SBF2: variants seen among roughly 807,000 people sequenced by gnomAD.
SBF2 encodes myotubularin-related protein 13.
A neutral mutation model predicts 225.2 loss-of-function variants in SBF2; 112 were observed. The ratio of observed to expected loss-of-function variants is 0.50; its 90% CI spans 0.43 to 0.58. The LOEUF (loss-of-function observed/expected upper bound fraction) is 0.58, where lower values mean the gene tolerates loss of function less well. Ranked by LOEUF, SBF2 falls within the 20% of genes least tolerant of loss-of-function variation. SBF2 has a pLI of 0.00. For missense variants in SBF2, 1,996 were observed against 2,206.2 expected, an observed-to-expected ratio of 0.90 and a Z score of 1.91; for synonymous variants, 763 against 773.3, an observed-to-expected ratio of 0.99 and a Z score of 0.22.
chr11:10,252,243 A>G (rs1344391780), intron 1 of SBF2, among the ~76,000 whole-genome samples: 1 of 152,244 alleles, frequency 6.6e-6, no homozygotes, highest in Non-Finnish European at 1.5e-5. Flanking sequence ...AGTGACATCA[A>G]TAACTAAAGT....
In SBF2 at chr11:9,895,933, T is replaced by C. The variant is rs768767265; in HGVS notation, c.1929+10A>G. 1 of 1,597,572 alleles carries C rather than the reference T, an allele frequency of 6.3e-7. No individual in the cohort carries two copies. The highest frequency in any genetic ancestry group is 8.6e-7 in the Non-Finnish European group (1 of 1,165,324). Reference sequence around the variant, plus strand: ...CATAACAAGCTTATATATGGACCAATGAAACTTACCCTATAGAAAGCACTG... The same window carrying C: ...CATAACAAGCTTATATATGGACCAACGAAACTTACCCTATAGAAAGCACTG... On this transcript the variant is annotated intron_variant, in intron 17 of 39. Transcript: ENST00000256190.
chr11:10,246,419 G>A (rs1959797915), intron 1 of SBF2, among the ~76,000 whole-genome samples: 1 of 152,148 alleles, frequency 6.6e-6, no homozygotes, highest in African/African-American at 2.4e-5. Flanking sequence ...GAGTAGCTGG[G>A]GTTACAAGCG....
chr11:10,099,042 A>G (rs184204077), intron 2 of SBF2, among the ~76,000 whole-genome samples: 2 of 152,298 alleles, frequency 1.3e-5, no homozygotes, highest in African/African-American at 4.8e-5. Context: ...GAAAGAAGCA[A>G]AAGGCTTCTT....
At chr11:10,012,111 C>T (rs554913406) in intron 6 of SBF2, among the ~76,000 whole-genome samples, 2 of 152,252 alleles carry the variant, frequency 1.3e-5, no homozygotes, top group East Asian at 3.9e-4. Context: ...TCTGACATCT[C>T]AAATGTGCTG....
intron 32 of SBF2, among the ~76,000 whole-genome samples, chr11:9,805,054 G>A (rs1471734261): frequency 6.6e-6 from 1 of 152,090 alleles, no homozygotes; most frequent in East Asian, 1.9e-4. Flanking sequence ...AGACTAGCCT[G>A]GACAACATGG....
intron 2 of SBF2, among the ~76,000 whole-genome samples, chr11:10,047,296 A>G (rs1949900702): frequency 6.6e-6 from 1 of 152,174 alleles, no homozygotes; most frequent in South Asian, 2.1e-4. Flanking sequence ...AAGAGAGGCA[A>G]AAGATCCAGG....
chr11:10,108,637 G>T (rs1229689262), intron 2 of SBF2, among the ~76,000 whole-genome samples: 4 of 142,344 alleles, frequency 2.8e-5, no homozygotes, highest in African/African-American at 5.2e-5. Context: ...CCATTCTCCT[G>T]CCTCAGCCTC....
intron 17 of SBF2, among the ~76,000 whole-genome samples, chr11:9,890,792 C>T (rs1473717704): frequency 6.6e-6 from 1 of 152,156 alleles, no homozygotes; most frequent in African/African-American, 2.4e-5. Context: ...TTAAGAACCA[C>T]AACAGGGTGA....
At chr11:10,176,354 A>G (rs894988708) in intron 2 of SBF2, among the ~76,000 whole-genome samples, 21 of 151,968 alleles carry the variant, frequency 1.4e-4, no homozygotes, top group African/African-American at 5.1e-4. Context: ...GCAGAACTGA[A>G]GGAAATAGAG....
chr11:10,022,408 ATTAG>A (rs1948894533), intron 6 of SBF2, among the ~76,000 whole-genome samples: 1 of 152,210 alleles, frequency 6.6e-6, no homozygotes, highest in African/African-American at 2.4e-5. Context: ...TTAAAAATAT[ATTAG>A]TTATGCACAT....
At chr11:9,964,877 T>C (rs956176485) in intron 14 of SBF2, among the ~76,000 whole-genome samples, 6 of 152,202 alleles carry the variant, frequency 3.9e-5, no homozygotes, top group African/African-American at 1.4e-4. Context: ...CAATAGTTTT[T>C]TTTTGCATAA....
At chr11:9,940,228 C>T (rs558157709) in intron 16 of SBF2, among the ~76,000 whole-genome samples, 5 of 152,084 alleles carry the variant, frequency 3.3e-5, no homozygotes, top group Middle Eastern at 3.4e-3. Context: ...ACGGTGAAAC[C>T]CCGTCTGTAC....
chr11:9,949,172 G>GT (rs1865723007), intron 16 of SBF2, among the ~76,000 whole-genome samples: 1 of 152,118 alleles, frequency 6.6e-6, no homozygotes, highest in East Asian at 1.9e-4. Flanking sequence ...CTTTTTAGTT[G>GT]TTTTTTGCTG....
At chr11:9,814,325 G>C (rs1854347032) in intron 29 of SBF2, among the ~76,000 whole-genome samples, 2 of 152,112 alleles carry the variant, frequency 1.3e-5, no homozygotes, top group East Asian at 3.8e-4. Flanking sequence ...CTGGAGATTG[G>C]TTGCACAGCA....
At chr11:9,883,503 CAAG>C (rs2134092549) in intron 17 of SBF2, among the ~76,000 whole-genome samples, 1 of 152,212 alleles carries the variant, frequency 6.6e-6, no homozygotes, top group Admixed American at 6.5e-5. Flanking sequence ...GACTAACTCT[CAAG>C]GTTATGATTG....
chr11:9,924,898 A>C (rs1003341424), intron 16 of SBF2, among the ~76,000 whole-genome samples: 6 of 151,868 alleles, frequency 4.0e-5, no homozygotes, highest in African/African-American at 1.4e-4. Flanking sequence ...ACAGGTGTAC[A>C]CCATCATGTC....
chr11:9,904,418 A>G (rs908441326), intron 16 of SBF2, among the ~76,000 whole-genome samples: 2 of 152,232 alleles, frequency 1.3e-5, no homozygotes, highest in Admixed American at 6.5e-5. Context: ...ATTTAAATGT[A>G]TATAAACCTA....
intron 2 of SBF2, among the ~76,000 whole-genome samples, chr11:10,104,152 G>C (rs1952447865): frequency 6.6e-6 from 1 of 151,678 alleles, no homozygotes; most frequent in African/African-American, 2.4e-5. Flanking sequence ...TTTTACTTCT[G>C]CTAGTGAGTC....
chr11:10,232,396 G>A (rs1378536459), intron 1 of SBF2, among the ~76,000 whole-genome samples: 3 of 152,130 alleles, frequency 2.0e-5, no homozygotes, highest in African/African-American at 7.2e-5. Context: ...CTTCTGCGTC[G>A]CTCACGCTGG....
Sources: allele counts gnomAD v4.1 joint callset (sites outside exome capture counted in the v4.1 genomes callset), GRCh38; gene constraint gnomAD v4.1.1; transcripts MANE v1.5; gene names NCBI Gene and HGNC (gene_info 2026-07-23, HGNC 2026-07-21).